The following SLC44A5 variants were observed in gnomAD, a reference collection of about 807,000 sequenced individuals.
SLC44A5 encodes the protein solute carrier family 44 member 5, also known as choline transporter-like protein 5.
SLC44A5 carries 57 observed loss-of-function variants against 101.8 expected under a neutral mutation model. That is an observed-to-expected ratio of 0.56 (90% CI 0.45 to 0.70). The LOEUF is 0.70. SLC44A5 is among the 30% of genes least tolerant of loss of function. The pLI is 0.00. For missense variants in SLC44A5, 737 were observed against 853.1 expected (o/e 0.86, Z 1.70); for synonymous variants, 281 against 290.9 (o/e 0.97, Z 0.35).
intron 2 of SLC44A5, among the ~76,000 whole-genome samples, chr1:75,425,045 A>T (rs1664226911): frequency 6.6e-6 from 1 of 152,192 alleles, no homozygotes; most frequent in Admixed American, 6.5e-5. Flanking sequence ...TAAATATTTC[A>T]CCTTCTTTTT....
At chr1:75,516,601 A>G (rs886770660) in intron 2 of SLC44A5, among the ~76,000 whole-genome samples, 1 of 152,156 alleles carries the variant, frequency 6.6e-6, no homozygotes, top group Non-Finnish European at 1.5e-5. Flanking sequence ...TTGTTCATTT[A>G]TATTAAGGGA....
the SLC44A5 span, among the ~76,000 whole-genome samples, chr1:75,644,947 G>T: frequency 4.6e-5 from 7 of 152,192 alleles, no homozygotes; most frequent in African/African-American, 1.7e-4. Context: ...CCCTCCAAAG[G>T]ACATGAACTC....
At chr1:75,598,241 G>C (rs1473660924) in intron 1 of SLC44A5, among the ~76,000 whole-genome samples, 1 of 151,988 alleles carries the variant, frequency 6.6e-6, no homozygotes, top group Non-Finnish European at 1.5e-5. Flanking sequence ...TCTCACACCA[G>C]TCAGAATGGC....
At chr1:75,395,849 C>T (rs1327472687) in intron 3 of SLC44A5, among the ~76,000 whole-genome samples, 1 of 152,046 alleles carries the variant, frequency 6.6e-6, no homozygotes, top group Non-Finnish European at 1.5e-5. Flanking sequence ...AACATTCTCA[C>T]CACATATATA....
chr1:75,698,562 G>A, the SLC44A5 span, among the ~76,000 whole-genome samples: 4 of 152,314 alleles, frequency 2.6e-5, no homozygotes, highest in Non-Finnish European at 5.9e-5. Flanking sequence ...AAAAAACAGA[G>A]CAGAAAAACT....
At chr1:75,468,599 T>C (rs753517837) in intron 2 of SLC44A5, among the ~76,000 whole-genome samples, 6 of 152,158 alleles carry the variant, frequency 3.9e-5, no homozygotes, top group Non-Finnish European at 8.8e-5. Flanking sequence ...TTCTCACTTA[T>C]TTGTGGAAAC....
At chr1:75,646,102 C>T in the SLC44A5 span, among the ~76,000 whole-genome samples, 1 of 134,948 alleles carries the variant, frequency 7.4e-6, no homozygotes, top group African/African-American at 2.5e-5. Flanking sequence ...TTAGGATTGA[C>T]TTGGCAATAT....
intron 2 of SLC44A5, among the ~76,000 whole-genome samples, chr1:75,448,091 A>C (rs1030866458): frequency 1.3e-5 from 2 of 152,230 alleles, no homozygotes; most frequent in Admixed American, 1.3e-4. Context: ...TGGCATCACC[A>C]TTTATCCAGT....
the SLC44A5 span, among the ~76,000 whole-genome samples, chr1:75,661,569 A>C: frequency 6.6e-6 from 1 of 151,962 alleles, no homozygotes; most frequent in Non-Finnish European, 1.5e-5. Context: ...CAGTCAACAG[A>C]CAACCTACAG....
intron 1 of SLC44A5, among the ~76,000 whole-genome samples, chr1:75,589,939 C>T (rs545492750): frequency 2.1e-4 from 32 of 152,226 alleles, no homozygotes; most frequent in African/African-American, 7.0e-4. Context: ...CACCACCTAG[C>T]GCCAAAGTGG....
At chr1:75,463,865 G>T (rs533527506) in intron 2 of SLC44A5, among the ~76,000 whole-genome samples, 13 of 151,032 alleles carry the variant, frequency 8.6e-5, no homozygotes, top group African/African-American at 3.2e-4. Context: ...TAAGTAGAAA[G>T]CCTAAACAAT....
rs1646697770 is a variant in SLC44A5, at chr1:75,203,588, T to C, written c.*139A>G. 5 of 991,720 alleles carry C rather than the reference T, an allele frequency of 5.0e-6. No individual in the cohort carries two copies. The highest frequency in any genetic ancestry group is 7.1e-6 in the Non-Finnish European group (5 of 701,464). The allele number at this position is 991,720 out of a possible 1,614,324, so 61.4% of individuals were successfully genotyped here. A position where few individuals can be genotyped will look rare whatever the true frequency, so the allele number is the denominator to read the frequency against. On this transcript the variant is annotated 3_prime_UTR_variant, in exon 24 of 24. Transcript: ENST00000370859. ...TCACATAGTACAGTATAAGCTTTGG[T>C]ATAAAACATGCAAATGCAAGCCAAC... is the stretch of plus-strand genomic sequence containing the variant.
chr1:75,394,678 C>T (rs1662014595), intron 3 of SLC44A5, among the ~76,000 whole-genome samples: 1 of 152,056 alleles, frequency 6.6e-6, no homozygotes, highest in East Asian at 1.9e-4. Context: ...GGGTTAACAC[C>T]AATAACACTC....
At chr1:75,542,471 T>C (rs1049774193) in intron 1 of SLC44A5, among the ~76,000 whole-genome samples, 7 of 152,136 alleles carry the variant, frequency 4.6e-5, no homozygotes, top group African/African-American at 1.7e-4. Flanking sequence ...CTGTTGGATA[T>C]TGAGATTGTG....
At chr1:75,612,394 T>C (rs1337299702), upstream of SLC44A5, among the ~76,000 whole-genome samples, 3 of 152,218 alleles carry the variant, frequency 2.0e-5, no homozygotes, top group Non-Finnish European at 2.9e-5. Flanking sequence ...TCCTTTTGTA[T>C]GTGAATGTGC....
chr1:75,567,965 T>C (rs1672875035), intron 1 of SLC44A5, among the ~76,000 whole-genome samples: 1 of 152,224 alleles, frequency 6.6e-6, no homozygotes, highest in Non-Finnish European at 1.5e-5. Context: ...ACCCCATGGC[T>C]GCAATAATGA....
chr1:75,389,395 T>G (rs1284940754), intron 3 of SLC44A5, among the ~76,000 whole-genome samples: 1 of 152,170 alleles, frequency 6.6e-6, no homozygotes, highest in Non-Finnish European at 1.5e-5. Flanking sequence ...ATATGGAATA[T>G]AGTCTAAGAT....
At chr1:75,211,237 A>G (rs1029937745) in intron 23 of SLC44A5, among the ~76,000 whole-genome samples, 4 of 152,158 alleles carry the variant, frequency 2.6e-5, no homozygotes, top group African/African-American at 7.2e-5. Context: ...ACATTTTTAG[A>G]TTCCACATGT....
At position 75,310,888 on chromosome 1, in the gene SLC44A5, A is replaced by G. The variant is rs565460198; in HGVS notation, c.102-10203T>C. 2.0e-4 allele frequency among the ~76,000 whole-genome samples: 31 copies of G among 152,258 alleles called. No homozygotes were observed. The South Asian group carries it at 6.4e-3, about 32-fold the overall frequency. ...AACTCTGAATAATTTTATATCTTAT[A>G]TTCAATTGTTTATATAATTCTTGAC... On this transcript the variant is annotated intron_variant, in intron 4 of 23. Coordinates refer to ENST00000370859, the MANE Select transcript of SLC44A5 (RefSeq NM_001130058.2).
Sources: gnomAD v4.1 joint callset for allele counts (sites outside exome capture counted in the v4.1 genomes callset) on GRCh38, gnomAD v4.1.1 for gene constraint, MANE v1.5 for transcripts, NCBI Gene and HGNC (gene_info 2026-07-23, HGNC 2026-07-21) for gene names.